ZNF608: variants seen among roughly 807,000 people sequenced by gnomAD.
ZNF608 encodes zinc finger protein 608, also known as renal carcinoma antigen NY-REN-36.
In ZNF608, 12 loss-of-function variants were observed where a neutral mutation model predicts 109.0. That is an observed-to-expected ratio of 0.11 (90% confidence interval 0.07 to 0.18). The LOEUF (loss-of-function observed/expected upper bound fraction) is 0.18. Among genes scored for constraint, ZNF608 ranks in the 10% least tolerant of loss-of-function variants. The probability of loss-of-function intolerance (pLI) is 1.00; values close to 1 mark genes in which losing one functional copy is unlikely to be tolerated. For synonymous variants in ZNF608, 732 were observed against 717.4 expected, an observed-to-expected ratio of 1.02 and a Z score of -0.33; for missense variants, 1,707 against 1,879.3, an observed-to-expected ratio of 0.91 and a Z score of 1.70.
intron 2 of ZNF608, among the ~76,000 whole-genome samples, chr5:124,737,046 T>G (rs1479272473): frequency 1.3e-5 from 2 of 151,994 alleles, no homozygotes; most frequent in African/African-American, 4.8e-5. Context: ...ATCAGGGAAA[T>G]AAGAGGAAAA....
intron 2 of ZNF608, among the ~76,000 whole-genome samples, chr5:124,736,251 T>G (rs1418940420): frequency 2.6e-5 from 4 of 152,158 alleles, no homozygotes; most frequent in African/African-American, 9.6e-5. Flanking sequence ...AAGCACAGAT[T>G]TGATAGCATT....
intron 3 of ZNF608, among the ~76,000 whole-genome samples, chr5:124,696,165 C>A (rs1461039664): frequency 1.4e-5 from 2 of 146,534 alleles, no homozygotes; most frequent in Non-Finnish European, 1.5e-5. Flanking sequence ...GCCTGGGCAA[C>A]AAGAGTGAAA....
intron 2 of ZNF608, among the ~76,000 whole-genome samples, chr5:124,727,808 C>T (rs911607853): frequency 7.4e-5 from 11 of 148,354 alleles, no homozygotes; most frequent in Admixed American, 6.1e-4. Flanking sequence ...GGCATGACCT[C>T]GGCTCACCAC....
At chr5:124,654,834 C>G (rs552817676) in intron 3 of ZNF608, among the ~76,000 whole-genome samples, 1 of 152,346 alleles carries the variant, frequency 6.6e-6, no homozygotes, top group South Asian at 2.1e-4. Flanking sequence ...GTGGCAGAGT[C>G]TCCTTCATCT....
At chr5:124,689,466 C>CAA (rs112747185) in intron 3 of ZNF608, among the ~76,000 whole-genome samples, 217 of 130,742 alleles carry the variant, frequency 1.7e-3, no homozygotes, top group Middle Eastern at 4.0e-3. Flanking sequence ...CCCTGTCCCT[C>CAA]AAAAAAAAAA....
chr5:124,657,469 G>A, intron 3 of ZNF608, among the ~76,000 whole-genome samples: 1 of 152,126 alleles, frequency 6.6e-6, no homozygotes, highest in East Asian at 1.9e-4. Context: ...AGACCATCCT[G>A]CCCAACACAG....
chr5:124,741,250 A>T (rs1010419332), intron 2 of ZNF608, among the ~76,000 whole-genome samples: 17 of 152,184 alleles, frequency 1.1e-4, no homozygotes, highest in Admixed American at 8.5e-4. Flanking sequence ...TAGGTTTCAT[A>T]AGGTCCAATT....
At chr5:124,654,403 C>T (rs761680467) in intron 3 of ZNF608, among the ~76,000 whole-genome samples, 4 of 152,108 alleles carry the variant, frequency 2.6e-5, no homozygotes, top group Non-Finnish European at 4.4e-5. Flanking sequence ...TAAAAGAAAC[C>T]TTGAAGATGC....
In ZNF608 at chr5:124,643,654, G is replaced by A. The variant is rs762354920; in HGVS notation, c.4153C>T (p.Pro1385Ser). 5.0e-6 allele frequency: 8 copies of A among 1,614,078 alleles called. No homozygotes were observed. The South Asian group carries it at 8.8e-5, about 18-fold the overall frequency. The change falls in exon 7 of 10, where the codon CCT becomes TCT. Residue 1385 changes from proline to serine, a missense_variant. Physicochemically the swap from Pro to Ser is moderately conservative, Grantham distance 74 (BLOSUM62 -1). Around this residue, in one of 7 missense-constraint regions of ZNF608, gnomAD observed 1,073 missense variants for 1,133.5 expected, o/e 0.95. Transcript: ENST00000513986. The part of the protein sequence containing the change: ...GAYLSPGFHY[P>S]VYGKMSGREE... ...CTCCCTGACATCTTCCCATAAACAG[G>A]ATAATGAAATCCTGGAGAGAGATAT...
chr5:124,725,034 A>C (rs1006090932), intron 2 of ZNF608, among the ~76,000 whole-genome samples: 1 of 151,812 alleles, frequency 6.6e-6, no homozygotes, highest in Admixed American at 6.6e-5. Context: ...TCTCTCCCTC[A>C]TCCAGCTTCA....
At chr5:124,746,957 T>C (rs1347637064), upstream of ZNF608, among the ~76,000 whole-genome samples, 12 of 18,240 alleles carry the variant, frequency 6.6e-4, no homozygotes, top group Non-Finnish European at 1.1e-3. Context: ...GGCGGGGGGC[T>C]TGGGGCGGTG....
intron 3 of ZNF608, 47 bp from the exon 4 acceptor site, chr5:124,649,744 C>G (rs1425164359): frequency 1.7e-6 from 2 of 1,183,200 alleles, no homozygotes; most frequent in East Asian, 5.2e-5. Context: ...CCACTGATTA[C>G]TGTTATTTCC....
intron 3 of ZNF608, among the ~76,000 whole-genome samples, chr5:124,684,910 AT>A (rs558964867): frequency 6.8e-4 from 104 of 152,296 alleles, no homozygotes; most frequent in African/African-American, 2.4e-3. Context: ...GCAACAATAC[AT>A]TTTTTAAATC....
intron 2 of ZNF608, among the ~76,000 whole-genome samples, chr5:124,729,636 T>A (rs938454295): frequency 6.6e-6 from 1 of 152,368 alleles, no homozygotes; most frequent in African/African-American, 2.4e-5. Flanking sequence ...TGTATATGTT[T>A]AAGTATATAT....
intron 3 of ZNF608, among the ~76,000 whole-genome samples, chr5:124,672,347 A>T (rs897147155): frequency 6.6e-6 from 1 of 152,206 alleles, no homozygotes; most frequent in Non-Finnish European, 1.5e-5. Context: ...GTTTAACCAG[A>T]GTTGAAAACC....
Position 124,641,802 on chromosome 5 carries a change from A to T in ZNF608, c.4297-397T>A, listed in dbSNP as rs1041302547. Among the ~76,000 whole-genome samples, 6 of 152,336 alleles carry T rather than the reference A, an allele frequency of 3.9e-5. No homozygotes were observed. In the South Asian group the frequency reaches 1.2e-3, roughly 32 times the overall value. On this transcript the variant is annotated intron_variant, in intron 7 of 9. Transcript: ENST00000513986. ...AATTACACTTGTATTTTGTGGAGAGAACATATCTCACAGTTTTAAACGTGT... is the reference window on the plus strand; with the variant it reads ...AATTACACTTGTATTTTGTGGAGAGTACATATCTCACAGTTTTAAACGTGT...
chr5:124,734,405 A>T (rs1325056191), intron 2 of ZNF608, among the ~76,000 whole-genome samples: 1 of 151,662 alleles, frequency 6.6e-6, no homozygotes, highest in Non-Finnish European at 1.5e-5. Context: ...CATCTTTGTT[A>T]AAAAAAATCA....
intron 3 of ZNF608, among the ~76,000 whole-genome samples, chr5:124,680,422 T>C (rs1432963565): frequency 2.0e-5 from 3 of 152,164 alleles, no homozygotes; most frequent in East Asian, 1.9e-4. Context: ...TTCACTCTCT[T>C]TTTTTCCAAA....
At chr5:124,724,312 GA>G (rs1463180892) in intron 2 of ZNF608, among the ~76,000 whole-genome samples, 2 of 151,846 alleles carry the variant, frequency 1.3e-5, no homozygotes, top group Non-Finnish European at 2.9e-5. Flanking sequence ...GCATAAGGGG[GA>G]AGTAAAACCT....
Sources: allele counts gnomAD v4.1 joint callset (sites outside exome capture counted in the v4.1 genomes callset), GRCh38; gene constraint gnomAD v4.1.1; regional missense constraint gnomAD v4.1.1; transcripts MANE v1.5; gene names NCBI Gene and HGNC (gene_info 2026-07-23, HGNC 2026-07-21).